OPCML: variants seen among roughly 807,000 people sequenced by gnomAD.
OPCML encodes the protein opioid-binding protein/cell adhesion molecule.
Under a neutral mutation model 37.8 loss-of-function variants are expected in OPCML, and 13 were observed. The ratio of observed to expected loss-of-function variants is 0.34; its 90% CI spans 0.22 to 0.55. OPCML has a LOEUF of 0.55. OPCML is among the 20% of genes least tolerant of loss of function. The pLI is 0.91. For synonymous variants in OPCML, 176 were observed against 168.8 expected (o/e 1.04, Z -0.33); for missense variants, 341 against 435.6 (o/e 0.78, Z 1.93).
chr11:133,098,156 A>T (rs917590607), intron 1 of OPCML, among the ~76,000 whole-genome samples: 1 of 152,200 alleles, frequency 6.6e-6, no homozygotes, highest in East Asian at 1.9e-4. Context: ...AATGTACAGA[A>T]AGAAATATAC....
chr11:132,855,017 C>T (rs759781608), intron 2 of OPCML, among the ~76,000 whole-genome samples: 4 of 152,158 alleles, frequency 2.6e-5, no homozygotes, highest in Non-Finnish European at 4.4e-5. Context: ...GGACCAAAGC[C>T]GCTTTTGTAA....
intron 1 of OPCML, among the ~76,000 whole-genome samples, chr11:133,016,576 A>T (rs1947339804): frequency 6.6e-6 from 1 of 152,206 alleles, no homozygotes; most frequent in East Asian, 1.9e-4. Flanking sequence ...TCCTATTTCA[A>T]GGTCAACTGT....
chr11:132,521,324 G>T (rs1299603152), intron 4 of OPCML, among the ~76,000 whole-genome samples: 1 of 152,114 alleles, frequency 6.6e-6, no homozygotes, highest in Non-Finnish European at 1.5e-5. Flanking sequence ...CCATTCTGTA[G>T]ATTGCCTGTT....
At chr11:133,204,588 TG>T (rs1938951457) in intron 1 of OPCML, among the ~76,000 whole-genome samples, 1 of 152,144 alleles carries the variant, frequency 6.6e-6, no homozygotes, top group Admixed American at 6.5e-5. Context: ...TCTTGGGTTT[TG>T]TGTGTTTGGG....
At chr11:133,007,701 GA>G in intron 1 of OPCML, 1 of 985,422 alleles carries the variant, frequency 1.0e-6, no homozygotes, top group Non-Finnish European at 1.2e-6. Context: ...AATTAAGCCA[GA>G]AAAAGTTCAG....
intron 3 of OPCML, among the ~76,000 whole-genome samples, chr11:132,615,382 G>A (rs1938940935): frequency 1.3e-5 from 2 of 152,180 alleles, no homozygotes; most frequent in Admixed American, 6.5e-5. Flanking sequence ...TTCATCCACG[G>A]CATAGGATTA....
intron 1 of OPCML, among the ~76,000 whole-genome samples, chr11:133,372,788 G>A (rs1169113543): frequency 6.6e-6 from 1 of 152,140 alleles, no homozygotes; most frequent in African/African-American, 2.4e-5. Context: ...TTGTAGCAAG[G>A]AGCCCTTCTG....
chr11:132,831,561 T>C (rs1940690103), intron 2 of OPCML, among the ~76,000 whole-genome samples: 1 of 152,104 alleles, frequency 6.6e-6, no homozygotes, highest in South Asian at 2.1e-4. Flanking sequence ...ACATATTTTC[T>C]TAATTGCCAT....
chr11:132,715,779 G>C (rs68136654), intron 2 of OPCML, among the ~76,000 whole-genome samples: 7 of 152,102 alleles, frequency 4.6e-5, no homozygotes, highest in African/African-American at 1.7e-4. Context: ...CCATCTGTCC[G>C]TGGCAGTTCA....
At chr11:133,427,285 T>C (rs1255886042) in intron 1 of OPCML, among the ~76,000 whole-genome samples, 1 of 151,688 alleles carries the variant, frequency 6.6e-6, no homozygotes, top group South Asian at 2.1e-4. Flanking sequence ...ACAATAAGAA[T>C]AGAAAAATAA....
chr11:133,411,643 A>G (rs1387746818), intron 1 of OPCML, among the ~76,000 whole-genome samples: 1 of 152,028 alleles, frequency 6.6e-6, no homozygotes, highest in Non-Finnish European at 1.5e-5. Context: ...GCATTATTCC[A>G]TGTTCCTCTC....
At chr11:133,122,379 T>C (rs1949435589) in intron 1 of OPCML, among the ~76,000 whole-genome samples, 1 of 151,944 alleles carries the variant, frequency 6.6e-6, no homozygotes, top group South Asian at 2.1e-4. Flanking sequence ...CCAAGAAAAA[T>C]GGGGTTTGCA....
intron 2 of OPCML, among the ~76,000 whole-genome samples, chr11:132,658,438 A>G (rs1941809250): frequency 6.6e-6 from 1 of 152,128 alleles, no homozygotes; most frequent in Admixed American, 6.5e-5. Context: ...GCCACAGTGG[A>G]GATGTCAGGA....
At chr11:132,553,756 C>A (rs561663442) in intron 3 of OPCML, among the ~76,000 whole-genome samples, 7 of 152,140 alleles carry the variant, frequency 4.6e-5, no homozygotes, top group African/African-American at 1.4e-4. Flanking sequence ...TCTGATAATG[C>A]GGAATGAATA....
At chr11:132,843,235 C>G (rs1941377625) in intron 2 of OPCML, among the ~76,000 whole-genome samples, 1 of 151,924 alleles carries the variant, frequency 6.6e-6, no homozygotes, top group Non-Finnish European at 1.5e-5. Flanking sequence ...GCTGGGATTA[C>G]AGTCATGTGC....
chr11:133,210,159 T>C (rs1215659400), intron 1 of OPCML, among the ~76,000 whole-genome samples: 2 of 152,230 alleles, frequency 1.3e-5, no homozygotes, highest in Non-Finnish European at 2.9e-5. Context: ...CACTATTTTT[T>C]CATTACAGAA....
At chr11:133,496,828 C>T (rs917912324) in intron 1 of OPCML, among the ~76,000 whole-genome samples, 2 of 152,110 alleles carry the variant, frequency 1.3e-5, no homozygotes, top group African/African-American at 4.8e-5. Flanking sequence ...TCAAGGTAAA[C>T]GATTATATTG....
At chr11:132,492,719 G>C (rs968432375) in intron 4 of OPCML, among the ~76,000 whole-genome samples, 12 of 152,118 alleles carry the variant, frequency 7.9e-5, no homozygotes, top group Non-Finnish European at 7.3e-5. Context: ...AATCAATAGC[G>C]TTTAAAAGCA....
intron 2 of OPCML, among the ~76,000 whole-genome samples, chr11:132,711,099 C>T (rs538366753): frequency 2.6e-5 from 4 of 152,184 alleles, no homozygotes; most frequent in Admixed American, 6.5e-5. Flanking sequence ...AGGAGGACAG[C>T]GAAAGCCCCA....
Sources: allele counts gnomAD v4.1 joint callset (sites outside exome capture counted in the v4.1 genomes callset), GRCh38; gene constraint gnomAD v4.1.1; transcripts MANE v1.5; gene names NCBI Gene and HGNC (gene_info 2026-07-23, HGNC 2026-07-21).